Variants in MTX2 observed in about 807,000 individuals in gnomAD.
The protein encoded by MTX2 is metaxin 2, also known as metaxin-2.
MTX2 carries 35 observed loss-of-function variants against 42.3 expected under a neutral mutation model. The observed-to-expected ratio is 0.83, with a 90% CI of 0.63 to 1.10. The LOEUF (loss-of-function observed/expected upper bound fraction) is 1.10, where lower values mean the gene tolerates loss of function less well. MTX2 is among the 50% of genes least tolerant of loss of function. The pLI is 0.00. For missense variants in MTX2, 307 were observed against 304.1 expected, an observed-to-expected ratio of 1.01 and a Z score of -0.07; for synonymous variants, 119 against 100.9, an observed-to-expected ratio of 1.18 and a Z score of -1.08.
chr2:176,302,101 G>A (rs1374564750), intron 3 of MTX2, among the ~76,000 whole-genome samples: 3 of 150,270 alleles, frequency 2.0e-5, no homozygotes, highest in Admixed American at 1.3e-4. Flanking sequence ...CTTCATGTAT[G>A]TGAAGCCAGT....
At chr2:176,284,930 A>C (rs72922877) in intron 1 of MTX2, among the ~76,000 whole-genome samples, 4,212 of 152,338 alleles carry the variant, frequency 0.028, 80 homozygotes, top group Non-Finnish European at 0.046. Context: ...TCATCTCTAC[A>C]GTATCAGAAC....
intron 3 of MTX2, among the ~76,000 whole-genome samples, chr2:176,316,423 CAGGGTCTTATGCCCATCACCCAGGCT>C (rs1195022470): frequency 2.4e-4 from 37 of 151,952 alleles, no homozygotes; most frequent in African/African-American, 8.7e-4. Flanking sequence ...TTTGTTTTGA[CAGGGTCTTATGCCCATCACCCAGGCT>C]AGAGTGCAGT....
In MTX2 at chr2:176,337,979, C is replaced by G. The variant is rs2105452923; in HGVS notation, c.*315C>G. The G allele has an allele frequency of 5.8e-6, 1 of 171,574 alleles. No homozygotes were observed. The highest frequency in any genetic ancestry group is 2.4e-5 in the African/African-American group (1 of 42,378). The allele number at this position is 171,574 out of a possible 1,614,324, so 10.6% of individuals were successfully genotyped here. ...TCTTTTGATTTTTCTGAAAGTCATT[C>G]ACTGAATTTTACACATGTGGAATAA... On this transcript the variant is annotated 3_prime_UTR_variant, in exon 10 of 10. Transcript: ENST00000249442.
At chr2:176,295,001 T>C (rs951979110) in intron 1 of MTX2, among the ~76,000 whole-genome samples, 8 of 152,222 alleles carry the variant, frequency 5.3e-5, no homozygotes, top group South Asian at 2.1e-4. Context: ...GATGATAATA[T>C]TGAGTAAAAC....
At position 176,302,405 on chromosome 2, in the gene MTX2, A is replaced by T. The variant is rs565752317; in HGVS notation, c.135+4510A>T. Among the ~76,000 whole-genome samples, 5 of 152,176 alleles carry T rather than the reference A, an allele frequency of 3.3e-5. No homozygotes were observed. The South Asian group carries it at 1.0e-3, about 32-fold the overall frequency. ...GAAAAAAACTATTTTATTTCTGTTGAATGTAGTATATAATTTAAAAGTCAG... is the reference window on the plus strand; with the variant it reads ...GAAAAAAACTATTTTATTTCTGTTGTATGTAGTATATAATTTAAAAGTCAG... On this transcript the variant is annotated intron_variant, in intron 3 of 9. Transcript: ENST00000249442.
At chr2:176,287,794 G>T (rs1336530559) in intron 1 of MTX2, among the ~76,000 whole-genome samples, 1 of 151,700 alleles carries the variant, frequency 6.6e-6, no homozygotes, top group Non-Finnish European at 1.5e-5. Flanking sequence ...TTCTGCTTCA[G>T]GATTTCTATT....
chr2:176,313,852 A>G (rs1184673938), intron 3 of MTX2, among the ~76,000 whole-genome samples: 2 of 152,150 alleles, frequency 1.3e-5, no homozygotes, highest in African/African-American at 4.8e-5. Flanking sequence ...TAATCAGTAA[A>G]ATGTGCTGGT....
chr2:176,323,438 C>A lies in MTX2; in HGVS notation c.182C>A (p.Ala61Glu). 6.2e-7 allele frequency: 1 copy of A among 1,611,016 alleles called. No individual in the cohort carries two copies. Among genetic ancestry groups the A allele is most frequent in the Non-Finnish European group, 8.5e-7 (1 of 1,178,084 alleles). The change falls in exon 4 of 10, where the codon GCA becomes GAA. Residue 61 changes from alanine to glutamate, a missense_variant. Coordinates refer to ENST00000249442, the MANE Select transcript of MTX2 (RefSeq NM_006554.5). ...TTGCCTATCAAAGTAGTTTGTAGGG[C>A]AAATGCAGAATATATGTCTCCATCT... ...CNLPIKVVCR[A>E]NAEYMSPSGK...
chr2:176,298,015 G>C, intron 3 of MTX2, 120 bp downstream of exon 3: 1 of 563,284 alleles, frequency 1.8e-6, no homozygotes, highest in Non-Finnish European at 2.9e-6. Context: ...ATTTTTTTCT[G>C]TGTGATTTAC....
chr2:176,280,209 T>G lies in MTX2; in HGVS notation c.40+10540T>G, dbSNP rs181084426. 2.6e-5 allele frequency among the ~76,000 whole-genome samples: 4 copies of G among 152,244 alleles called. No individual in the cohort carries two copies. The East Asian group carries it at 7.7e-4, about 29-fold the overall frequency. ...AGCAAATTGGAGATATAGTGAGATT[T>G]CAGGAAGGCAAAGATTCAAGATATT... On this transcript the variant is annotated intron_variant, in intron 1 of 9. Transcript: ENST00000249442.
intron 1 of MTX2, among the ~76,000 whole-genome samples, chr2:176,288,528 G>A (rs1036996640): frequency 6.6e-6 from 1 of 151,314 alleles, no homozygotes; most frequent in Admixed American, 6.6e-5. Context: ...GGCTACCCAT[G>A]TTTCTTGCTC....
chr2:176,316,134 T>A (rs985584243), intron 3 of MTX2, among the ~76,000 whole-genome samples: 1 of 152,160 alleles, frequency 6.6e-6, no homozygotes, highest in Admixed American at 6.6e-5. Context: ...CTCAAAGTTA[T>A]GTCTTTCTGG....
chr2:176,273,678 T>G (rs964528766), intron 1 of MTX2, among the ~76,000 whole-genome samples: 2 of 152,164 alleles, frequency 1.3e-5, no homozygotes, highest in African/African-American at 4.8e-5. Context: ...TTCTATCTCC[T>G]TACTACCAGT....
At position 176,269,542 on chromosome 2, in the gene MTX2, G is replaced by A. The variant is rs968781967; in HGVS notation, c.-88G>A. ...TCTGAACGTTGGCGGGGCTAGGCTC[G>A]TTAACTGCCGAGAGCCTCCGGGTTT... is the stretch of plus-strand genomic sequence containing the variant. On this transcript the variant is annotated 5_prime_UTR_variant, in exon 1 of 10. Transcript: ENST00000249442. 29 of 1,436,938 alleles carry A rather than the reference G, an allele frequency of 2.0e-5. No homozygotes were observed. The African/African-American group carries it at 3.6e-4, about 18-fold the overall frequency. The allele number at this position is 1,436,938 out of a possible 1,614,324, so 89.0% of individuals were successfully genotyped here. A position where few individuals can be genotyped will look rare whatever the true frequency, so the allele number is the denominator to read the frequency against.
At chr2:176,306,411 T>C (rs1450200681) in intron 3 of MTX2, among the ~76,000 whole-genome samples, 1 of 152,242 alleles carries the variant, frequency 6.6e-6, no homozygotes, top group East Asian at 1.9e-4. Context: ...TCATAATCCT[T>C]TGGGTATATA....
rs1575026321 is a variant in MTX2 at position 176,269,705 on chromosome 2, C to T, written c.40+36C>T. Reference sequence around the variant, plus strand: ...TGGCCGCAGACCCAGAAGGTGGCGGCGCGGTCTCGGGGAGCCGCGTGGGGT... The same window carrying T: ...TGGCCGCAGACCCAGAAGGTGGCGGTGCGGTCTCGGGGAGCCGCGTGGGGT... On this transcript the variant is annotated intron_variant, in intron 1 of 9. Coordinates refer to ENST00000249442, the MANE Select transcript of MTX2 (RefSeq NM_006554.5). 5.7e-6 allele frequency: 9 copies of T among 1,577,594 alleles called. 1 individual carries two copies. In the South Asian group the frequency reaches 9.2e-5, roughly 16 times the overall value.
chr2:176,296,363 T>G (rs568609535), intron 1 of MTX2, among the ~76,000 whole-genome samples: 4 of 152,270 alleles, frequency 2.6e-5, no homozygotes, highest in African/African-American at 9.6e-5. Context: ...TGGGGAAAGA[T>G]GGACAGCTTG....
intron 3 of MTX2, among the ~76,000 whole-genome samples, chr2:176,316,147 A>G (rs1286353150): frequency 1.3e-5 from 2 of 152,156 alleles, no homozygotes; most frequent in Non-Finnish European, 2.9e-5. Flanking sequence ...CTTTCTGGCA[A>G]GTTAGCTCAC....
intron 9 of MTX2, among the ~76,000 whole-genome samples, chr2:176,333,328 T>A (rs1316550430): frequency 6.6e-6 from 1 of 151,574 alleles, no homozygotes; most frequent in Non-Finnish European, 1.5e-5. Context: ...TATATGAAGA[T>A]CTTGACTTGA....
Sources: allele counts gnomAD v4.1 joint callset (sites outside exome capture counted in the v4.1 genomes callset), GRCh38; gene constraint gnomAD v4.1.1; transcripts MANE v1.5; gene names NCBI Gene and HGNC (gene_info 2026-07-23, HGNC 2026-07-21).